The following SLC2A13 variants were observed in gnomAD, a reference collection of about 807,000 sequenced individuals.
SLC2A13 encodes proton myo-inositol cotransporter.
SLC2A13 carries 32 observed loss-of-function variants against 64.4 expected under a neutral mutation model. The ratio of observed to expected loss-of-function variants is 0.50; its 90% CI spans 0.37 to 0.67. The LOEUF (loss-of-function observed/expected upper bound fraction) is 0.67. Ranked by LOEUF, SLC2A13 falls within the 30% of genes least tolerant of loss-of-function variation. SLC2A13 has a pLI of 0.00. For missense variants in SLC2A13, 743 were observed against 829.2 expected, an observed-to-expected ratio of 0.90 and a Z score of 1.28; for synonymous variants, 338 against 327.1, an observed-to-expected ratio of 1.03 and a Z score of -0.36.
At chr12:39,884,749 C>T (rs1944429574) in intron 4 of SLC2A13, among the ~76,000 whole-genome samples, 2 of 152,162 alleles carry the variant, frequency 1.3e-5, no homozygotes, top group African/African-American at 4.8e-5. Flanking sequence ...CGATGAGCTC[C>T]ACCTTACAGT....
chr12:40,105,507 AC>A lies in SLC2A13; in HGVS notation c.301del (p.Val101TrpfsTer90). On this transcript the variant is annotated frameshift_variant, in exon 1 of 10. Transcript: ENST00000280871. LOFTEE classifies it high-confidence loss of function. This position sits in a 1 kb window ranked among gnomAD's most constrained non-coding sequence, Gnocchi z 4.2. ...GGFLFGYDTG[V>X]VSGAMLLLKR... ...GAGCAGCAGCATGGCCCCTGACACC[AC>A]CCCGGTGTCATAGCCAAACAGGAAG... 1.9e-6 allele frequency: 3 copies of A among 1,577,536 alleles called. No individual in the cohort carries two copies. The highest frequency in any genetic ancestry group is 2.6e-6 in the Non-Finnish European group (3 of 1,164,006).
chr12:39,827,283 G>GGTTTT (rs952427491), intron 7 of SLC2A13, among the ~76,000 whole-genome samples: 4 of 152,060 alleles, frequency 2.6e-5, no homozygotes, highest in African/African-American at 9.7e-5. Context: ...AAAGGCTCTT[G>GGTTTT]GTTTTGCTTT....
intron 7 of SLC2A13, among the ~76,000 whole-genome samples, chr12:39,818,829 T>TTCTACATATAAA (rs1476704914): frequency 1.3e-5 from 2 of 152,142 alleles, no homozygotes; most frequent in African/African-American, 4.8e-5. Context: ...AAAATATTGT[T>TTCTACATATAAA]ATAAGTATAA....
At chr12:39,943,694 G>A (rs1329030613) in intron 4 of SLC2A13, among the ~76,000 whole-genome samples, 1 of 152,164 alleles carries the variant, frequency 6.6e-6, no homozygotes, top group Non-Finnish European at 1.5e-5. Context: ...GCTGGGCTCC[G>A]TGGGGTGGGA....
At chr12:40,081,706 C>T (rs1345062899) in intron 1 of SLC2A13, among the ~76,000 whole-genome samples, 6 of 152,154 alleles carry the variant, frequency 3.9e-5, no homozygotes, top group Admixed American at 3.9e-4. Flanking sequence ...ATCAAGAATC[C>T]TTGCTGTCGA....
At chr12:40,079,154 C>A (rs1423082255) in intron 1 of SLC2A13, among the ~76,000 whole-genome samples, 3 of 152,060 alleles carry the variant, frequency 2.0e-5, no homozygotes, top group Non-Finnish European at 4.4e-5. Context: ...TTGTTATTTT[C>A]TTTTGCTAGC....
chr12:39,812,374 TTTCTTTTCTTTCTTTC>T (rs1942196209), intron 7 of SLC2A13, among the ~76,000 whole-genome samples: 1 of 122,288 alleles, frequency 8.2e-6, no homozygotes, highest in African/African-American at 2.9e-5. Flanking sequence ...TTTCTTTTCT[TTTCTTTTCTTTCTTTC>T]TCTCTCTCTT....
At chr12:40,001,789 A>G (rs1446895662) in intron 3 of SLC2A13, among the ~76,000 whole-genome samples, 2 of 152,384 alleles carry the variant, frequency 1.3e-5, no homozygotes, top group Middle Eastern at 3.4e-3. Context: ...TTCTGAATAA[A>G]AATAATTCTA....
intron 3 of SLC2A13, among the ~76,000 whole-genome samples, chr12:39,973,653 T>A (rs1051713643): frequency 6.6e-6 from 1 of 152,200 alleles, no homozygotes; most frequent in Non-Finnish European, 1.5e-5. Flanking sequence ...CATTCCCCCC[T>A]TCATGAAATA....
intron 7 of SLC2A13, among the ~76,000 whole-genome samples, chr12:39,779,254 G>T (rs576735374): frequency 6.6e-6 from 1 of 152,276 alleles, no homozygotes; most frequent in South Asian, 2.1e-4. Flanking sequence ...TGAGTATGTT[G>T]GATGCAGCAT....
At chr12:40,060,026 G>T (rs1466049407) in intron 1 of SLC2A13, among the ~76,000 whole-genome samples, 1 of 152,038 alleles carries the variant, frequency 6.6e-6, no homozygotes, top group Non-Finnish European at 1.5e-5. Context: ...TGTAACAAAG[G>T]TCTATGGGAG....
At chr12:39,810,368 A>G (rs76674256) in intron 7 of SLC2A13, among the ~76,000 whole-genome samples, 2,588 of 152,264 alleles carry the variant, frequency 0.017, 33 homozygotes, top group Non-Finnish European at 0.027. Context: ...TTCTACAATG[A>G]CCTTTTTTGA....
intron 4 of SLC2A13, among the ~76,000 whole-genome samples, chr12:39,902,163 A>C (rs948793415): frequency 7.3e-6 from 1 of 136,550 alleles, no homozygotes; most frequent in African/African-American, 2.7e-5. Context: ...GGACACAGGA[A>C]TGAGAACATC....
At chr12:39,852,764 T>C (rs1274586667) in intron 6 of SLC2A13, among the ~76,000 whole-genome samples, 5 of 152,214 alleles carry the variant, frequency 3.3e-5, no homozygotes, top group African/African-American at 9.6e-5. Flanking sequence ...GTACCTCTGA[T>C]TGGTCCTCTC....
intron 2 of SLC2A13, 30 bp from the exon 3 acceptor site, chr12:40,028,539 T>C (rs1182715487): frequency 6.2e-7 from 1 of 1,608,036 alleles, no homozygotes; most frequent in African/African-American, 1.3e-5. Context: ...ACATTTACTG[T>C]AAAATTTGCT....
chr12:40,104,743 A>G (rs1391117871), intron 1 of SLC2A13, among the ~76,000 whole-genome samples: 3 of 152,172 alleles, frequency 2.0e-5, no homozygotes, highest in South Asian at 4.1e-4. Flanking sequence ...TCGCTAATAA[A>G]CCTTTCAGAG....
At chr12:40,075,549 A>G (rs939943547) in intron 1 of SLC2A13, among the ~76,000 whole-genome samples, 1 of 152,170 alleles carries the variant, frequency 6.6e-6, no homozygotes, top group Non-Finnish European at 1.5e-5. Flanking sequence ...ATTAGCAGCA[A>G]TTTGATTATA....
At chr12:39,838,500 ATAAAT>A (rs1370050600) in intron 6 of SLC2A13, among the ~76,000 whole-genome samples, 1 of 95,388 alleles carries the variant, frequency 1.0e-5, no homozygotes, top group African/African-American at 4.5e-5. Flanking sequence ...ATAAAAAAAA[ATAAAT>A]TAAAAAAAAA....
intron 4 of SLC2A13, among the ~76,000 whole-genome samples, chr12:39,905,736 T>C (rs12301002): frequency 0.01 from 1,565 of 151,738 alleles, 28 homozygotes; most frequent in African/African-American, 0.035. Flanking sequence ...GAAGCAATCA[T>C]GTATATCTTT....
Sources: gnomAD v4.1 joint callset for allele counts (sites outside exome capture counted in the v4.1 genomes callset) on GRCh38, gnomAD v4.1.1 for gene constraint, Gnocchi (gnomAD v3.1) non-coding constraint, MANE v1.5 for transcripts, NCBI Gene and HGNC (gene_info 2026-07-23, HGNC 2026-07-21) for gene names.